AKR1E2: variants seen among roughly 807,000 people sequenced by gnomAD.
The protein encoded by AKR1E2 is 1,5-anhydro-D-fructose reductase.
Under a neutral mutation model 41.9 loss-of-function variants are expected in AKR1E2, and 43 were observed. That is an observed-to-expected ratio of 1.03 (90% CI 0.80 to 1.32). AKR1E2 has a LOEUF of 1.32. Among genes scored for constraint, AKR1E2 ranks in the 40% most tolerant of loss-of-function variants. The pLI, the probability that AKR1E2 is intolerant of heterozygous loss-of-function variation, is 0.00. For synonymous variants in AKR1E2, 121 were observed against 138.9 expected (o/e 0.87, Z 0.91); for missense variants, 423 against 396.5 (o/e 1.07, Z -0.57).
At chr10:4,851,499 A>C (rs1834526545), downstream of AKR1E2, among the ~76,000 whole-genome samples, 1 of 152,304 alleles carries the variant, frequency 6.6e-6, no homozygotes, top group Non-Finnish European at 1.5e-5. Context: ...AGAACAAGGA[A>C]AACTACAATT....
the AKR1E2 span, among the ~76,000 whole-genome samples, chr10:4,856,433 G>A: frequency 2.6e-5 from 4 of 152,112 alleles, no homozygotes; most frequent in South Asian, 8.3e-4. Flanking sequence ...AATTATAAAG[G>A]GTTATAAAAG....
downstream of AKR1E2, among the ~76,000 whole-genome samples, chr10:4,851,188 T>G (rs1024022975): frequency 1.3e-5 from 2 of 152,266 alleles, no homozygotes; most frequent in Non-Finnish European, 2.9e-5. Flanking sequence ...ATCAAGACCC[T>G]GTGTCTTCAT....
At chr10:4,865,127 A>C in the AKR1E2 span, among the ~76,000 whole-genome samples, 1 of 152,188 alleles carries the variant, frequency 6.6e-6, no homozygotes, top group African/African-American at 2.4e-5. Flanking sequence ...CACATTAAAA[A>C]CAGATATGTC....
chr10:4,869,146 C>T, the AKR1E2 span, among the ~76,000 whole-genome samples: 1 of 152,026 alleles, frequency 6.6e-6, no homozygotes, highest in Non-Finnish European at 1.5e-5. Flanking sequence ...TATAAGCAAT[C>T]CCCAGTGAAA....
the AKR1E2 span, among the ~76,000 whole-genome samples, chr10:4,868,370 G>T: frequency 6.6e-6 from 1 of 152,114 alleles, no homozygotes; most frequent in African/African-American, 2.4e-5. Flanking sequence ...TCCTTTAGTT[G>T]CTCTGGTCAA....
rs1834441393 is a variant in AKR1E2, at chr10:4,847,905, A to C, written c.*375A>C. On this transcript the variant is annotated 3_prime_UTR_variant, in exon 10 of 10. Coordinates refer to ENST00000298375, the MANE Select transcript of AKR1E2 (RefSeq NM_001040177.3). ...TGCGCAGCTCCACCCATTGTGCCCC[A>C]GGCCAGCCCGCGTCACCTACACTTC... The C allele has an allele frequency of 1.0e-5, 2 of 195,016 alleles. No individual in the cohort carries two copies. The highest frequency in any genetic ancestry group is 1.0e-5 in the Non-Finnish European group (1 of 97,000). 12.1% of individuals were successfully genotyped at this position (195,016 alleles called of 1,614,324 possible). A position where few individuals can be genotyped will look rare whatever the true frequency, so the allele number is the denominator to read the frequency against.
intron 3 of AKR1E2, among the ~76,000 whole-genome samples, chr10:4,834,535 A>T (rs1039627876): frequency 1.3e-5 from 2 of 152,226 alleles, no homozygotes; most frequent in Non-Finnish European, 2.9e-5. Context: ...GTAATTATGT[A>T]CCCAGAACTA....
At position 4,847,249 on chromosome 10, in the gene AKR1E2, T is replaced by A; in HGVS notation, c.920+19T>A. Reference sequence around the variant, plus strand: ...TCCCCATGTAAATATGGCTCCTTCTTTTTAAAACAGAGGGAAGAATATACA... The same window carrying A: ...TCCCCATGTAAATATGGCTCCTTCTATTTAAAACAGAGGGAAGAATATACA... On this transcript the variant is annotated intron_variant, in intron 9 of 9. Coordinates refer to ENST00000298375, the MANE Select transcript of AKR1E2 (RefSeq NM_001040177.3). 6.2e-7 allele frequency: 1 copy of A among 1,613,646 alleles called. No individual in the cohort carries two copies.
chr10:4,860,599 T>C, the AKR1E2 span, among the ~76,000 whole-genome samples: 20 of 152,248 alleles, frequency 1.3e-4, no homozygotes, highest in Non-Finnish European at 2.6e-4. Context: ...ATTGATTTAT[T>C]ACTATATGAA....
At chr10:4,864,707 A>C in the AKR1E2 span, among the ~76,000 whole-genome samples, 6,619 of 152,086 alleles carry the variant, frequency 0.044, 154 homozygotes, top group African/African-American at 0.075. Flanking sequence ...TATCTAGAAA[A>C]CCCCATCGTC....
chr10:4,858,312 A>G, the AKR1E2 span, among the ~76,000 whole-genome samples: 1 of 152,210 alleles, frequency 6.6e-6, no homozygotes, highest in South Asian at 2.1e-4. Context: ...GAAAAAAAGG[A>G]AAGTTGGGTA....
chr10:4,828,267 G>A (rs1186664458), intron 1 of AKR1E2, among the ~76,000 whole-genome samples: 3 of 152,170 alleles, frequency 2.0e-5, no homozygotes, highest in African/African-American at 4.8e-5. Flanking sequence ...TCCTGTCCTC[G>A]TGCGGTTAGT....
chr10:4,837,843 G>A (rs1288566301), intron 5 of AKR1E2, among the ~76,000 whole-genome samples: 1 of 152,194 alleles, frequency 6.6e-6, no homozygotes, highest in Admixed American at 6.5e-5. Context: ...AGGTCACCAG[G>A]TGTACTCAGA....
At chr10:4,850,148 T>C (rs1192214767), downstream of AKR1E2, among the ~76,000 whole-genome samples, 5 of 152,164 alleles carry the variant, frequency 3.3e-5, no homozygotes, top group Admixed American at 6.5e-5. Context: ...TGCTTTTCTC[T>C]AGGGAATGTG....
Position 4,847,600 on chromosome 10 carries a change from C to G in AKR1E2, c.*70C>G. The G allele has an allele frequency of 9.6e-6, 15 of 1,562,268 alleles. No homozygotes were observed. Among genetic ancestry groups the G allele is most frequent in the Non-Finnish European group, 1.3e-5 (15 of 1,138,162 alleles). On this transcript the variant is annotated 3_prime_UTR_variant, in exon 10 of 10. Transcript: ENST00000298375. ...CACTATTGGCAATGTTGACCCTCCT[C>G]TGTCATCACAGCGCCAGGGCAGCTG...
intron 8 of AKR1E2, among the ~76,000 whole-genome samples, chr10:4,842,759 A>G (rs1833990252): frequency 6.6e-6 from 1 of 152,138 alleles, no homozygotes; most frequent in African/African-American, 2.4e-5. Context: ...AGGGAAGAGC[A>G]TCTTGTTGGG....
chr10:4,832,489 C>CAA lies in AKR1E2; in HGVS notation c.208-860_208-859dup, dbSNP rs1833047211. On this transcript the variant is annotated intron_variant, in intron 2 of 9. Coordinates refer to ENST00000298375, the MANE Select transcript of AKR1E2 (RefSeq NM_001040177.3). ...CTGGAGATTTCTAAGGCTCACCCTGCAATTTGGAGCAAGTTGCTTCTGTGT... is the reference window on the plus strand; with the variant it reads ...CTGGAGATTTCTAAGGCTCACCCTGCAAAATTTGGAGCAAGTTGCTTCTGTGT... Among the ~76,000 whole-genome samples the CAA allele has an allele frequency of 3.9e-5, 6 of 152,176 alleles. No individual in the cohort carries two copies. The South Asian group carries it at 1.2e-3, about 32-fold the overall frequency.
chr10:4,830,701 A>G lies in AKR1E2; in HGVS notation c.66A>G (p.Ala22=). 1.2e-6 allele frequency: 2 copies of G among 1,614,140 alleles called. No individual in the cohort carries two copies. Residue 22 remains alanine, a synonymous_variant, in exon 2 of 10, where the codon GCA becomes GCG. Transcript: ENST00000298375. ...WKASPGKVTE[A]VKEAIDAGYR... Reference sequence around the variant, plus strand: ...CTTCTCCAGGGAAAGTGACCGAGGCAGTGAAAGAGGCCATTGACGCAGGGT... The same window carrying G: ...CTTCTCCAGGGAAAGTGACCGAGGCGGTGAAAGAGGCCATTGACGCAGGGT...
intron 6 of AKR1E2, among the ~76,000 whole-genome samples, chr10:4,840,117 G>A (rs1766428599): frequency 6.6e-6 from 1 of 152,064 alleles, no homozygotes; most frequent in African/African-American, 2.4e-5. Context: ...CAGGGTGTCA[G>A]CCCCCTTCTG....
Sources: allele counts gnomAD v4.1 joint callset (sites outside exome capture counted in the v4.1 genomes callset), GRCh38; gene constraint gnomAD v4.1.1; transcripts MANE v1.5; gene names NCBI Gene and HGNC (gene_info 2026-07-23, HGNC 2026-07-21).